Variants in ZBTB7C observed in about 807,000 individuals in gnomAD.
ZBTB7C encodes zinc finger and BTB domain containing 7C.
ZBTB7C carries 8 observed loss-of-function variants against 25.7 expected under a neutral mutation model. The observed-to-expected ratio is 0.31, with a 90% CI of 0.18 to 0.56. The LOEUF (loss-of-function observed/expected upper bound fraction) is 0.56, where lower values mean the gene tolerates loss of function less well. Ranked by LOEUF, ZBTB7C falls within the 20% of genes least tolerant of loss-of-function variation. ZBTB7C has a pLI of 0.91. For missense variants in ZBTB7C, 824 were observed against 855.2 expected, an observed-to-expected ratio of 0.96 and a Z score of 0.46; for synonymous variants, 394 against 369.0, an observed-to-expected ratio of 1.07 and a Z score of -0.78.
At chr18:48,187,602 A>G (rs1446580042) in intron 2 of ZBTB7C, among the ~76,000 whole-genome samples, 3 of 152,164 alleles carry the variant, frequency 2.0e-5, no homozygotes, top group Non-Finnish European at 4.4e-5. Flanking sequence ...TCACGAGGTC[A>G]GGAGATCGAG....
chr18:48,115,165 A>C (rs2039386371), intron 3 of ZBTB7C, among the ~76,000 whole-genome samples: 1 of 152,162 alleles, frequency 6.6e-6, no homozygotes, highest in Non-Finnish European at 1.5e-5. Context: ...AAATAGAATC[A>C]TACCATATTT....
intron 1 of ZBTB7C, among the ~76,000 whole-genome samples, chr18:48,346,283 C>A (rs1343878121): frequency 1.3e-5 from 2 of 152,238 alleles, no homozygotes; most frequent in East Asian, 3.8e-4. Flanking sequence ...GACCCTCTGC[C>A]ACCAGCACAA....
At chr18:48,253,040 G>A (rs1197236935) in intron 2 of ZBTB7C, among the ~76,000 whole-genome samples, 1 of 152,114 alleles carries the variant, frequency 6.6e-6, no homozygotes, top group Admixed American at 6.5e-5. Context: ...TAGAGAGGAG[G>A]GGAAAGAGAT....
chr18:48,207,618 C>CTATCTATCT (rs1568302900), intron 2 of ZBTB7C, among the ~76,000 whole-genome samples: 2 of 102,754 alleles, frequency 1.9e-5, no homozygotes, highest in African/African-American at 6.4e-5. Context: ...TCTATCTATC[C>CTATCTATCT]ATCTAAAATA....
chr18:48,074,042 C>G (rs533520560), intron 3 of ZBTB7C, among the ~76,000 whole-genome samples: 8 of 146,002 alleles, frequency 5.5e-5, no homozygotes, highest in African/African-American at 2.0e-4. Context: ...CAGACGGAGT[C>G]TCGTTCTGTC....
At chr18:48,398,581 A>G (rs894712752) in intron 1 of ZBTB7C, among the ~76,000 whole-genome samples, 1 of 152,132 alleles carries the variant, frequency 6.6e-6, no homozygotes, top group African/African-American at 2.4e-5. Flanking sequence ...GATCAAGGCT[A>G]TGCCCGATGC....
rs1568168156 is a variant in ZBTB7C, at chr18:48,040,679, G to GTCA, written c.426_428dup (p.Asp145dup). On this transcript the variant is annotated inframe_insertion, in exon 4 of 5. Coordinates refer to ENST00000590800, the MANE Select transcript of ZBTB7C (RefSeq NM_001318841.2). Reference sequence around the variant, plus strand: ...CCTCATCATCATCATCTTCGTCGTCGTCATCGTCCTCCTTGTCATCCTCCT... The same window carrying GTCA: ...CCTCATCATCATCATCTTCGTCGTCGTCATCATCGTCCTCCTTGTCATCCTCCT... 6.2e-7 allele frequency: 1 copy of GTCA among 1,613,346 alleles called. No individual in the cohort carries two copies.
chr18:48,121,901 T>C (rs1378792090), intron 3 of ZBTB7C, among the ~76,000 whole-genome samples: 1 of 152,108 alleles, frequency 6.6e-6, no homozygotes, highest in African/African-American at 2.4e-5. Context: ...GGGGAGACAG[T>C]GTTCTCACCA....
chr18:48,053,719 G>A (rs1376141383), intron 3 of ZBTB7C, among the ~76,000 whole-genome samples: 1 of 152,166 alleles, frequency 6.6e-6, no homozygotes, highest in Non-Finnish European at 1.5e-5. Flanking sequence ...CTAAGTGCTG[G>A]AGAAACATGG....
chr18:48,210,899 T>C (rs1199912022), intron 2 of ZBTB7C, among the ~76,000 whole-genome samples: 3 of 152,162 alleles, frequency 2.0e-5, no homozygotes, highest in African/African-American at 7.2e-5. Context: ...CAACTCAATA[T>C]TGAAGAAGAA....
intron 3 of ZBTB7C, among the ~76,000 whole-genome samples, chr18:48,136,611 C>T (rs1029711159): frequency 6.6e-6 from 1 of 152,206 alleles, no homozygotes; most frequent in Admixed American, 6.5e-5. Context: ...GCAACTCCCT[C>T]TCGGAGTGCC....
intron 3 of ZBTB7C, among the ~76,000 whole-genome samples, chr18:48,132,450 A>G (rs1435317117): frequency 2.0e-5 from 3 of 152,232 alleles, no homozygotes; most frequent in Non-Finnish European, 2.9e-5. Flanking sequence ...TAATGGGTAC[A>G]GTATTTCCTT....
chr18:48,403,403 T>C (rs1192209564), intron 1 of ZBTB7C, among the ~76,000 whole-genome samples: 1 of 152,208 alleles, frequency 6.6e-6, no homozygotes, highest in Non-Finnish European at 1.5e-5. Context: ...CCTGCCTACA[T>C]GAGAGTATGT....
chr18:48,159,167 T>C (rs1340821463), intron 3 of ZBTB7C, among the ~76,000 whole-genome samples: 1 of 146,492 alleles, frequency 6.8e-6, no homozygotes, highest in Non-Finnish European at 1.5e-5. Context: ...TCATGGCTTA[T>C]TTATTTATTT....
intron 2 of ZBTB7C, among the ~76,000 whole-genome samples, chr18:48,274,757 T>C (rs1045079110): frequency 9.9e-5 from 15 of 152,236 alleles, no homozygotes; most frequent in Non-Finnish European, 1.8e-4. Context: ...TCCAGGCCAC[T>C]GTCCCTCTCC....
At chr18:48,311,292 C>A (rs2045813121) in intron 2 of ZBTB7C, among the ~76,000 whole-genome samples, 1 of 152,132 alleles carries the variant, frequency 6.6e-6, no homozygotes, top group Non-Finnish European at 1.5e-5. Context: ...TCTCCCAGTG[C>A]CCAGCACACA....
intron 2 of ZBTB7C, among the ~76,000 whole-genome samples, chr18:48,198,237 T>C (rs2042361111): frequency 6.6e-6 from 1 of 152,178 alleles, no homozygotes; most frequent in African/African-American, 2.4e-5. Flanking sequence ...TTTCCTAGAA[T>C]CACCCCATCT....
At chr18:48,390,018 CT>C (rs2145254711) in intron 1 of ZBTB7C, among the ~76,000 whole-genome samples, 1 of 152,294 alleles carries the variant, frequency 6.6e-6, no homozygotes, top group African/African-American at 2.4e-5. Flanking sequence ...TCAAATGAAG[CT>C]ATGGCCGGCC....
intron 3 of ZBTB7C, among the ~76,000 whole-genome samples, chr18:48,136,348 C>G (rs2040159963): frequency 6.6e-6 from 1 of 152,204 alleles, no homozygotes; most frequent in South Asian, 2.1e-4. Flanking sequence ...AGGTTGGAGT[C>G]CAGGGAAGAG....
Sources: gnomAD v4.1 joint callset for allele counts (sites outside exome capture counted in the v4.1 genomes callset) on GRCh38, gnomAD v4.1.1 for gene constraint, MANE v1.5 for transcripts, NCBI Gene and HGNC (gene_info 2026-07-23, HGNC 2026-07-21) for gene names.